The following PTPRG variants were observed in gnomAD, a reference collection of about 807,000 sequenced individuals.
PTPRG encodes the protein receptor-type tyrosine-protein phosphatase gamma.
A neutral mutation model predicts 165.3 loss-of-function variants in PTPRG; 102 were observed. That is an observed-to-expected ratio of 0.62 (90% CI 0.53 to 0.73). PTPRG has a LOEUF of 0.73. Among genes scored for constraint, PTPRG ranks in the 30% least tolerant of loss-of-function variants. The pLI is 0.00. For synonymous variants in PTPRG, 675 were observed against 669.5 expected (o/e 1.01, Z -0.13); for missense variants, 1,866 against 1,861.4 (o/e 1.00, Z -0.05).
Position 61,562,326 on chromosome 3 carries a change from C to G in PTPRG, c.39C>G (p.Phe13Leu), listed in dbSNP as rs1449005789. The G allele has an allele frequency of 1.2e-6, 2 of 1,613,702 alleles. No homozygotes were observed. Among genetic ancestry groups the G allele is most frequent in the Non-Finnish European group, 1.7e-6 (2 of 1,179,704 alleles). ...TGGAACCGTGTTGGTGGATTTTGTTCCTGAAAATCACCAGTTCCGTGCTCC... is the reference window on the plus strand; with the variant it reads ...TGGAACCGTGTTGGTGGATTTTGTTGCTGAAAATCACCAGTTCCGTGCTCC... ...RLLEPCWWIL[F>L]LKITSSVLHY... The change falls in exon 1 of 30, where the codon TTC (phenylalanine) becomes TTG (leucine). Residue 13 changes from phenylalanine to leucine, a missense_variant. By Grantham distance (22) the Phe-to-Leu change is conservative. Transcript: ENST00000474889.
intron 1 of PTPRG, among the ~76,000 whole-genome samples, chr3:61,672,788 AGAGGGAGAGAGGGGGAGAGAGAGG>A (rs1703077200): frequency 7.6e-6 from 1 of 131,184 alleles, no homozygotes; most frequent in Admixed American, 7.5e-5. Context: ...AGAGGGAGAG[AGAGGGAGAGAGGGGGAGAGAGAGG>A]GAGAGAGAGA....
intron 4 of PTPRG, among the ~76,000 whole-genome samples, chr3:62,051,897 A>C (rs1700480115): frequency 6.6e-6 from 1 of 152,186 alleles, no homozygotes; most frequent in Non-Finnish European, 1.5e-5. Flanking sequence ...ACATATTGCA[A>C]TCAACTGCAT....
At chr3:61,735,295 T>C (rs2032675446) in intron 1 of PTPRG, among the ~76,000 whole-genome samples, 3 of 152,218 alleles carry the variant, frequency 2.0e-5, no homozygotes, top group Admixed American at 1.3e-4. Flanking sequence ...AGACTCGTAT[T>C]GTGTTATTTC....
chr3:62,159,989 A>G (rs1704685915), intron 7 of PTPRG, among the ~76,000 whole-genome samples: 1 of 152,246 alleles, frequency 6.6e-6, no homozygotes, highest in Admixed American at 6.5e-5. Flanking sequence ...AAGTTAGCAC[A>G]GAATGTTCAT....
At chr3:61,883,754 G>C (rs2037953401) in intron 2 of PTPRG, among the ~76,000 whole-genome samples, 1 of 152,096 alleles carries the variant, frequency 6.6e-6, no homozygotes. Flanking sequence ...CTGTCACCCA[G>C]GCTGGTAGTG....
intron 2 of PTPRG, among the ~76,000 whole-genome samples, chr3:61,928,003 G>A (rs77826258): frequency 0.013 from 1,962 of 152,226 alleles, 40 homozygotes; most frequent in African/African-American, 0.044. Context: ...TTCCTGTACC[G>A]GTCACCTAGC....
At chr3:62,127,693 A>T (rs980062749) in intron 5 of PTPRG, among the ~76,000 whole-genome samples, 1 of 152,178 alleles carries the variant, frequency 6.6e-6, no homozygotes, top group Non-Finnish European at 1.5e-5. Context: ...TATTTAGCAG[A>T]TGGCCAGGAC....
chr3:61,966,343 C>A (rs917653595), intron 2 of PTPRG, among the ~76,000 whole-genome samples: 1 of 152,094 alleles, frequency 6.6e-6, no homozygotes, highest in African/African-American at 2.4e-5. Flanking sequence ...ACTTGAGACA[C>A]CTGAGATGTG....
chr3:61,758,642 G>A (rs769515226), intron 2 of PTPRG, among the ~76,000 whole-genome samples: 6 of 152,096 alleles, frequency 3.9e-5, no homozygotes, highest in South Asian at 2.1e-4. Context: ...TAGTAGAGAC[G>A]GGGTTTCACC....
At chr3:62,036,084 T>C (rs1424840296) in intron 4 of PTPRG, among the ~76,000 whole-genome samples, 1 of 151,526 alleles carries the variant, frequency 6.6e-6, no homozygotes, top group Non-Finnish European at 1.5e-5. Context: ...GGAGCTTCTA[T>C]TCTAGCAAGG....
rs1423622913 is a variant in PTPRG at position 62,245,183 on chromosome 3, T to C, written c.2467+1285T>C. 6.6e-6 allele frequency among the ~76,000 whole-genome samples: 1 copy of C among 152,164 alleles called. No homozygotes were observed. Among genetic ancestry groups the C allele is most frequent in the African/African-American group, 2.4e-5 (1 of 41,452 alleles). ...CTAATTCTCATAAAGATAGGATAAG[T>C]TTTGTGTTACTGTGTGTTCTCCACT... On this transcript the variant is annotated intron_variant, in intron 15 of 29. Transcript: ENST00000474889. This position sits in a 1 kb window ranked among gnomAD's most constrained non-coding sequence, Gnocchi z 4.2.
chr3:61,854,472 A>G (rs780830140), intron 2 of PTPRG, among the ~76,000 whole-genome samples: 2 of 152,176 alleles, frequency 1.3e-5, no homozygotes, highest in Non-Finnish European at 2.9e-5. Flanking sequence ...TCCTGCAACT[A>G]TGTACCCCAT....
At chr3:62,244,798 T>G (rs1365364636) in intron 15 of PTPRG, among the ~76,000 whole-genome samples, 1 of 152,180 alleles carries the variant, frequency 6.6e-6, no homozygotes, top group Non-Finnish European at 1.5e-5. Context: ...TCCTCAGTGC[T>G]AAAATAATTC....
intron 2 of PTPRG, among the ~76,000 whole-genome samples, chr3:61,895,326 A>G (rs1238583371): frequency 1.3e-5 from 2 of 152,186 alleles, no homozygotes; most frequent in South Asian, 4.1e-4. Context: ...GCTGAACCTC[A>G]CACCCTTTCA....
intron 5 of PTPRG, 101 bp from the exon 6 acceptor site, chr3:62,132,501 G>A (rs994566271): frequency 1.1e-6 from 1 of 934,522 alleles, no homozygotes. Flanking sequence ...CAGCTTGCTA[G>A]ATAACATTCT....
At chr3:61,608,965 C>T (rs1422048651) in intron 1 of PTPRG, among the ~76,000 whole-genome samples, 2 of 152,166 alleles carry the variant, frequency 1.3e-5, no homozygotes, top group Non-Finnish European at 2.9e-5. Flanking sequence ...GCCATGGGGG[C>T]TCAGCATGAG....
At chr3:61,712,324 G>A (rs1217417332) in intron 1 of PTPRG, among the ~76,000 whole-genome samples, 1 of 150,262 alleles carries the variant, frequency 6.7e-6, no homozygotes, top group African/African-American at 2.4e-5. Context: ...TGTCACAGCG[G>A]CTTAAGACTT....
chr3:61,964,326 T>G (rs1371260110), intron 2 of PTPRG, among the ~76,000 whole-genome samples: 1 of 152,206 alleles, frequency 6.6e-6, no homozygotes, highest in Non-Finnish European at 1.5e-5. Flanking sequence ...CACTGAAGTA[T>G]AAAGTGTGAA....
chr3:61,832,514 A>G (rs1318758446), intron 2 of PTPRG, among the ~76,000 whole-genome samples: 1 of 152,106 alleles, frequency 6.6e-6, no homozygotes, highest in Non-Finnish European at 1.5e-5. Context: ...CTTTGGAACT[A>G]GCTCTGTTAA....
Sources: gnomAD v4.1 joint callset for allele counts (sites outside exome capture counted in the v4.1 genomes callset) on GRCh38, gnomAD v4.1.1 for gene constraint, Gnocchi (gnomAD v3.1) non-coding constraint, MANE v1.5 for transcripts, NCBI Gene and HGNC (gene_info 2026-07-23, HGNC 2026-07-21) for gene names.